Variants in NOX4 observed in about 807,000 individuals in gnomAD.
NOX4 encodes the protein NADPH oxidase 4, also known as kidney oxidase-1.
In NOX4, 69 loss-of-function variants were observed where a neutral mutation model predicts 87.6. The ratio of observed to expected loss-of-function variants is 0.79; its 90% confidence interval spans 0.65 to 0.96. The LOEUF (loss-of-function observed/expected upper bound fraction) is 0.96. Among genes scored for constraint, NOX4 ranks in the 40% least tolerant of loss-of-function variants. The pLI is 0.00. For missense variants in NOX4, 680 were observed against 681.5 expected (o/e 1.00, Z 0.02); for synonymous variants, 275 against 238.2 (o/e 1.15, Z -1.42).
At chr11:89,467,349 C>CAAAAAAAAAAAAAAAAAAAAA (rs71052233) in intron 2 of NOX4, among the ~76,000 whole-genome samples, 2 of 61,424 alleles carry the variant, frequency 3.3e-5, no homozygotes, top group African/African-American at 1.1e-4. Context: ...AAACTCGTCA[C>CAAAAAAAAAAAAAAAAAAAAA]AAAAAAAAAA....
intron 11 of NOX4, among the ~76,000 whole-genome samples, chr11:89,399,321 G>A (rs1402633471): frequency 2.0e-5 from 3 of 149,680 alleles, no homozygotes; most frequent in African/African-American, 7.4e-5. Context: ...TCAACCCAGA[G>A]TATCCGTATT....
At chr11:89,457,739 T>C (rs2135405766) in intron 2 of NOX4, among the ~76,000 whole-genome samples, 1 of 152,124 alleles carries the variant, frequency 6.6e-6, no homozygotes, top group East Asian at 1.9e-4. Context: ...CTTCAAAGAC[T>C]AAAGGAACAT....
intron 8 of NOX4, among the ~76,000 whole-genome samples, chr11:89,421,062 G>C (rs1024330599): frequency 1.3e-5 from 2 of 152,076 alleles, no homozygotes; most frequent in African/African-American, 4.8e-5. Flanking sequence ...TGAAGGAGTG[G>C]GGGTAAATGC....
chr11:89,537,580 A>G, the NOX4 span, among the ~76,000 whole-genome samples: 2 of 152,070 alleles, frequency 1.3e-5, no homozygotes, highest in Non-Finnish European at 1.5e-5. Context: ...TCAAAATGCA[A>G]GTATTAAGAA....
chr11:89,581,129 G>T, the NOX4 span, among the ~76,000 whole-genome samples: 3 of 152,158 alleles, frequency 2.0e-5, no homozygotes, highest in South Asian at 6.2e-4. Flanking sequence ...GAAGTGGAGG[G>T]GAGAATTCTT....
intron 5 of NOX4, among the ~76,000 whole-genome samples, chr11:89,442,909 G>C (rs1286745950): frequency 6.6e-6 from 1 of 152,086 alleles, no homozygotes; most frequent in African/African-American, 2.4e-5. Context: ...GTTGGAACAG[G>C]GGCAGGAAAC....
chr11:89,418,461 T>TAATAATAAA (rs1473601003), intron 8 of NOX4, among the ~76,000 whole-genome samples: 4 of 144,910 alleles, frequency 2.8e-5, no homozygotes, highest in South Asian at 4.4e-4. Context: ...ATAATAATAA[T>TAATAATAAA]AAATTTACAG....
chr11:89,345,059 G>A (rs1946157254), intron 13 of NOX4, among the ~76,000 whole-genome samples: 4 of 152,128 alleles, frequency 2.6e-5, no homozygotes. Context: ...CATATCAATA[G>A]AAACAATAAA....
chr11:89,495,389 G>A (rs1000521127), upstream of NOX4, among the ~76,000 whole-genome samples: 4 of 151,922 alleles, frequency 2.6e-5, no homozygotes, highest in Non-Finnish European at 4.4e-5. Flanking sequence ...TGCCTCGGTG[G>A]TCACATTGCC....
chr11:89,340,119 T>G lies in NOX4; in HGVS notation c.1390A>C (p.Arg464=). 6.3e-7 allele frequency: 1 copy of G among 1,587,776 alleles called. No individual in the cohort carries two copies. The highest frequency in any genetic ancestry group is 8.5e-7 in the Non-Finnish European group (1 of 1,171,544). Residue 464 remains arginine, a synonymous_variant, in exon 15 of 18, where the codon AGA becomes CGA. Coordinates refer to ENST00000263317, the MANE Select transcript of NOX4 (RefSeq NM_016931.5). ...LRRLYFIWVC[R]DIQSFRWFAD... ...AACCAACGGAAGGACTGGATATCTCTGCATACCCAAATAAAGTATAGTCTT... is the reference window on the plus strand; with the variant it reads ...AACCAACGGAAGGACTGGATATCTCGGCATACCCAAATAAAGTATAGTCTT...
At chr11:89,529,253 G>A in the NOX4 span, among the ~76,000 whole-genome samples, 1 of 152,160 alleles carries the variant, frequency 6.6e-6, no homozygotes, top group Admixed American at 6.5e-5. Context: ...CTTTTCAGGG[G>A]TTTTTGCAGG....
At chr11:89,505,530 A>G in the NOX4 span, among the ~76,000 whole-genome samples, 1 of 151,852 alleles carries the variant, frequency 6.6e-6, no homozygotes, top group Non-Finnish European at 1.5e-5. Context: ...GATACTACTC[A>G]GAGGAGTAGT....
chr11:89,410,491 C>T (rs1942419383), intron 8 of NOX4, among the ~76,000 whole-genome samples: 1 of 152,168 alleles, frequency 6.6e-6, no homozygotes, highest in South Asian at 2.1e-4. Flanking sequence ...ATAAACACTC[C>T]TATCCCCAGA....
chr11:89,491,353 G>C lies in NOX4; in HGVS notation c.-107C>G. 9.5e-7 allele frequency: 1 copy of C among 1,052,826 alleles called. No individual in the cohort carries two copies. The highest frequency in any genetic ancestry group is 1.4e-6 in the Non-Finnish European group (1 of 738,124). The allele number at this position is 1,052,826 out of a possible 1,614,324, so 65.2% of individuals were successfully genotyped here. A position where few individuals can be genotyped will look rare whatever the true frequency, so the allele number is the denominator to read the frequency against. ...TGCGGCCTGCCGGGCCGCTGAGCGA[G>C]GACCGAGGGTCAAAGACTGAGTGGA... On this transcript the variant is annotated 5_prime_UTR_variant, in exon 1 of 18. Coordinates refer to ENST00000263317, the MANE Select transcript of NOX4 (RefSeq NM_016931.5).
chr11:89,541,100 T>C, the NOX4 span, among the ~76,000 whole-genome samples: 1 of 152,158 alleles, frequency 6.6e-6, no homozygotes, highest in Non-Finnish European at 1.5e-5. Flanking sequence ...AAACTCTGCC[T>C]TAGGCCCTCA....
the NOX4 span, among the ~76,000 whole-genome samples, chr11:89,553,219 A>G: frequency 2.0e-5 from 3 of 152,062 alleles, no homozygotes; most frequent in Non-Finnish European, 4.4e-5. Context: ...TGTAATCCCT[A>G]CATGTCAAGG....
the NOX4 span, among the ~76,000 whole-genome samples, chr11:89,513,758 G>A: frequency 6.6e-6 from 1 of 151,986 alleles, no homozygotes; most frequent in Non-Finnish European, 1.5e-5. Flanking sequence ...TTATAGAGGA[G>A]AATACAAGTT....
At chr11:89,399,368 T>C (rs1422209319) in intron 11 of NOX4, among the ~76,000 whole-genome samples, 1 of 146,896 alleles carries the variant, frequency 6.8e-6, no homozygotes, top group Admixed American at 6.9e-5. Flanking sequence ...ATTGTGCATA[T>C]ATAAGATTTC....
At chr11:89,556,544 G>C in the NOX4 span, among the ~76,000 whole-genome samples, 7 of 151,678 alleles carry the variant, frequency 4.6e-5, no homozygotes, top group South Asian at 1.5e-3. Flanking sequence ...GGGAAGGGAG[G>C]GGAGGGGAGG....
Sources: allele counts gnomAD v4.1 joint callset (sites outside exome capture counted in the v4.1 genomes callset), GRCh38; gene constraint gnomAD v4.1.1; transcripts MANE v1.5; gene names NCBI Gene and HGNC (gene_info 2026-07-23, HGNC 2026-07-21).